PTCHD1: variants seen among roughly 807,000 people sequenced by gnomAD.
The protein encoded by PTCHD1 is patched domain-containing protein 1.
PTCHD1 carries 3 observed loss-of-function variants against 34.6 expected under a neutral mutation model. That is an observed-to-expected ratio of 0.09 (90% confidence interval 0.04 to 0.22). The LOEUF (loss-of-function observed/expected upper bound fraction) is 0.22. Ranked by LOEUF, PTCHD1 falls within the 10% of genes least tolerant of loss-of-function variation. The probability of loss-of-function intolerance (pLI) is 1.00; values close to 1 mark genes in which losing one functional copy is unlikely to be tolerated. For missense variants in PTCHD1, 504 were observed against 685.5 expected, an observed-to-expected ratio of 0.74 and a Z score of 2.96; for synonymous variants, 305 against 283.1, an observed-to-expected ratio of 1.08 and a Z score of -0.77.
chrX:23,403,192 G>A lies in PTCHD1; in HGVS notation c.*9007G>A, dbSNP rs1475921043. ...GCTTGTCAAAGTAACCACTAATTCA[G>A]TATTCAGAAACCTTATCATCTGTTC... On this transcript the variant is annotated 3_prime_UTR_variant, in exon 3 of 3. Transcript: ENST00000379361. 8.9e-6 allele frequency: 1 copy of A among 112,078 alleles called. No individual in the cohort carries two copies. The highest frequency in any genetic ancestry group is 1.9e-5 in the Non-Finnish European group (1 of 53,195). 9.2% of individuals were successfully genotyped at this position (112,078 alleles called of 1,213,427 possible).
rs1242758444 is a variant in PTCHD1, at chrX:23,395,226, C to T, written c.*1041C>T. On this transcript the variant is annotated 3_prime_UTR_variant, in exon 3 of 3. Transcript: ENST00000379361. ...AGAAACATCTGCCCACACAAAACTG[C>T]GGGGAAAAAAAATGAACACTGAAAT... is the stretch of plus-strand genomic sequence containing the variant. The T allele has an allele frequency of 2.7e-5, 3 of 111,930 alleles. No individual in the cohort carries two copies. The highest frequency in any genetic ancestry group is 6.5e-5 in the African/African-American group (2 of 30,765). The allele number at this position is 111,930 out of a possible 1,213,427, so 9.2% of individuals were successfully genotyped here.
intron 1 of PTCHD1, among the ~76,000 whole-genome samples, chrX:23,344,379 G>A (rs1921420090): frequency 8.9e-6 from 1 of 112,216 alleles, no homozygotes; most frequent in South Asian, 3.7e-4. Flanking sequence ...TCTGTAAAGT[G>A]TGTTATCATT....
intron 1 of PTCHD1, among the ~76,000 whole-genome samples, chrX:23,375,210 C>T (rs193121403): frequency 7.9e-4 from 88 of 111,555 alleles, no homozygotes; most frequent in Admixed American, 2.8e-3. Context: ...TTATTGGACC[C>T]CAGATCTCCA....
In PTCHD1 at chrX:23,396,607, G is replaced by A. The variant is rs1259775890; in HGVS notation, c.*2422G>A. 8.9e-6 allele frequency: 1 copy of A among 112,109 alleles called. No individual in the cohort carries two copies. 9.2% of individuals were successfully genotyped at this position (112,109 alleles called of 1,213,427 possible). A position where few individuals can be genotyped will look rare whatever the true frequency, so the allele number is the denominator to read the frequency against. On this transcript the variant is annotated 3_prime_UTR_variant, in exon 3 of 3. Coordinates refer to ENST00000379361, the MANE Select transcript of PTCHD1 (RefSeq NM_173495.3). ...TGTTGAGAATTTAATCATTCAATTT[G>A]GTCAACCAGAATGACTTCCTGTGGA...
At chrX:23,363,142 G>A (rs374295630) in intron 1 of PTCHD1, among the ~76,000 whole-genome samples, 26 of 112,430 alleles carry the variant, frequency 2.3e-4, no homozygotes, top group African/African-American at 6.8e-4. Flanking sequence ...TCCATTCTCA[G>A]AGCTCAAACA....
upstream of PTCHD1, chrX:23,334,701 C>T (rs1332844025): frequency 9.4e-6 from 1 of 106,390 alleles, no homozygotes; most frequent in Non-Finnish European, 1.9e-5. Context: ...CGAGGCGCGG[C>T]GCGGGACTCC....
rs918171023 is a variant in PTCHD1, at chrX:23,398,845, C to G, written c.*4660C>G. 1.8e-5 allele frequency: 2 copies of G among 110,809 alleles called. No individual in the cohort carries two copies. The highest frequency in any genetic ancestry group is 3.8e-5 in the Non-Finnish European group (2 of 53,050). The allele number at this position is 110,809 out of a possible 1,213,427, so 9.1% of individuals were successfully genotyped here. On this transcript the variant is annotated 3_prime_UTR_variant, in exon 3 of 3. Coordinates refer to ENST00000379361, the MANE Select transcript of PTCHD1 (RefSeq NM_173495.3). The stretch of plus-strand genomic sequence containing the variant: ...TCCCCCCCAGCTTGCCTCTCACCCG[C>G]CCCGCTGCTGCCCAGCTGATTTGTT...
intron 1 of PTCHD1, among the ~76,000 whole-genome samples, chrX:23,338,722 C>G (rs1007189513): frequency 1.8e-5 from 2 of 111,939 alleles, no homozygotes; most frequent in Non-Finnish European, 3.8e-5. Flanking sequence ...ACTCCAAGCC[C>G]AGTGTGCTTT....
rs763041195 is a variant in PTCHD1, at chrX:23,392,074, C to CTTTTTTTTTTTTTTTTTTTTTTTTTT, written c.1013-440_1013-439insTTTTTTTTTTTTTTTTTTTTTTTTTT. On this transcript the variant is annotated intron_variant, in intron 2 of 2. Coordinates refer to ENST00000379361, the MANE Select transcript of PTCHD1 (RefSeq NM_173495.3). The stretch of plus-strand genomic sequence containing the variant: ...TTCTTTCTTTTTTCTTTCTTTCTTT[C>CTTTTTTTTTTTTTTTTTTTTTTTTTT]TTTTTTTTTTTTTTTTTGAGAGATG... Among the ~76,000 whole-genome samples, 24 of 52,342 alleles carry CTTTTTTTTTTTTTTTTTTTTTTTTTT rather than the reference C, an allele frequency of 4.6e-4. 2 individuals carry two copies. Among genetic ancestry groups the CTTTTTTTTTTTTTTTTTTTTTTTTTT allele is most frequent in the African/African-American group, 1.1e-3 (9 of 7,967 alleles). The allele number at this position is 52,342 out of a possible 115,157, so 45.5% of individuals were successfully genotyped here. A position where few individuals can be genotyped will look rare whatever the true frequency, so the allele number is the denominator to read the frequency against.
Position 23,394,007 on chromosome X carries a change from T to C in PTCHD1, c.2489T>C (p.Ile830Thr). ...TCTLFRCLFL[I>T]AFVTFFHCFA... Reference sequence around the variant, plus strand: ...ACACTGTTCAGGTGCTTGTTTTTAATAGCATTTGTCACCTTCTTTCACTGC... The same window carrying C: ...ACACTGTTCAGGTGCTTGTTTTTAACAGCATTTGTCACCTTCTTTCACTGC... The change falls in exon 3 of 3, where the codon ATA becomes ACA. Residue 830 changes from isoleucine to threonine, a missense_variant. Transcript: ENST00000379361. The C allele has an allele frequency of 8.3e-7, 1 of 1,211,110 alleles. No homozygotes were observed.
intron 1 of PTCHD1, chrX:23,350,992 T>A: frequency 5.7e-5 from 14 of 246,500 alleles, no homozygotes; most frequent in Non-Finnish European, 8.1e-5. Context: ...ATGGAATCCA[T>A]ATTTTCATGG....
intron 1 of PTCHD1, among the ~76,000 whole-genome samples, chrX:23,336,731 C>G (rs1194442242): frequency 9.0e-6 from 1 of 111,503 alleles, no homozygotes; most frequent in Non-Finnish European, 1.9e-5. Flanking sequence ...CATGATTAGA[C>G]TTCCAGCATC....
chrX:23,368,924 C>T (rs959592410), intron 1 of PTCHD1, among the ~76,000 whole-genome samples: 26 of 110,621 alleles, frequency 2.4e-4, no homozygotes, highest in African/African-American at 6.9e-4. Context: ...ATTACCCAGA[C>T]GTGGTGGTGA....
At chrX:23,337,363 C>G (rs192424347) in intron 1 of PTCHD1, among the ~76,000 whole-genome samples, 1 of 111,844 alleles carries the variant, frequency 8.9e-6, no homozygotes, top group East Asian at 2.8e-4. Context: ...AAAATCCAGA[C>G]TTACGGAACC....
At chrX:23,351,253 C>T (rs762022271) in intron 1 of PTCHD1, 6 of 782,115 alleles carry the variant, frequency 7.7e-6, no homozygotes, top group South Asian at 2.2e-5. Flanking sequence ...TAATGCTGCT[C>T]TATCCTCAGT....
chrX:23,348,048 T>A (rs1356207172), intron 1 of PTCHD1, among the ~76,000 whole-genome samples: 1 of 110,805 alleles, frequency 9.0e-6, no homozygotes, highest in Non-Finnish European at 1.9e-5. Flanking sequence ...TGTTAAGGGC[T>A]TTAGTGGAAA....
intron 1 of PTCHD1, among the ~76,000 whole-genome samples, chrX:23,373,437 T>C (rs889519075): frequency 1.8e-5 from 2 of 112,883 alleles, no homozygotes; most frequent in African/African-American, 3.2e-5. Flanking sequence ...GGATAGATAG[T>C]CACTTGTTTG....
At chrX:23,345,209 T>C (rs1921443193) in intron 1 of PTCHD1, among the ~76,000 whole-genome samples, 1 of 112,219 alleles carries the variant, frequency 8.9e-6, no homozygotes, top group African/African-American at 3.2e-5. Context: ...CCAAAGAAGA[T>C]TCCTCTGCCT....
intron 1 of PTCHD1, among the ~76,000 whole-genome samples, chrX:23,335,525 G>A (rs1921145590): frequency 8.8e-6 from 1 of 113,417 alleles, no homozygotes; most frequent in Admixed American, 9.2e-5. Context: ...TTTGGTCGCA[G>A]TGGGCTTGGG....
Sources: allele counts gnomAD v4.1 joint callset (sites outside exome capture counted in the v4.1 genomes callset), GRCh38; gene constraint gnomAD v4.1.1; transcripts MANE v1.5; gene names NCBI Gene and HGNC (gene_info 2026-07-23, HGNC 2026-07-21).